SOX30: variants seen among roughly 807,000 people sequenced by gnomAD.
The protein encoded by SOX30 is SRY-box transcription factor 30.
In SOX30, 17 loss-of-function variants were observed where a neutral mutation model predicts 58.6. The observed-to-expected ratio is 0.29, with a 90% CI of 0.20 to 0.44. SOX30 has a LOEUF of 0.44. Ranked by LOEUF, SOX30 falls within the 20% of genes least tolerant of loss-of-function variation. The pLI is 1.00. For synonymous variants in SOX30, 421 were observed against 400.2 expected (o/e 1.05, Z -0.62); for missense variants, 951 against 965.8 (o/e 0.98, Z 0.20).
At chr5:157,648,635 A>C in intron 2 of SOX30, 22 bp downstream of exon 2, 1 of 1,602,674 alleles carries the variant, frequency 6.2e-7, no homozygotes, top group Non-Finnish European at 8.5e-7. Context: ...AAGAAGTAAG[A>C]GGCATTATTT....
Position 157,626,529 on chromosome 5 carries a change from C to T in SOX30, c.2073G>A (p.Met691Ile). Residue 691 changes from methionine to isoleucine, a missense_variant, in exon 5 of 5, where the codon ATG (methionine) becomes ATA (isoleucine). Met to Ile is a conservative substitution (Grantham distance 10). This residue lies in a region of SOX30 where 381 missense variants were observed against 390.0 expected (regional missense o/e 0.98). Transcript: ENST00000265007. ...GACTGTTATAGTAAGAAGTTCCATTCATGTTCTCACAACTCCGAGAATTTT... is the reference window on the plus strand; with the variant it reads ...GACTGTTATAGTAAGAAGTTCCATTTATGTTCTCACAACTCCGAGAATTTT... ...HSENSRSCEN[M>I]NGTSYYNSHS... The T allele has an allele frequency of 6.2e-7, 1 of 1,614,134 alleles. No individual in the cohort carries two copies. The highest frequency in any genetic ancestry group is 1.3e-5 in the African/African-American group (1 of 75,022).
Position 157,651,694 on chromosome 5 carries a change from G to A in SOX30, c.385C>T (p.Gln129Ter). 6.3e-7 allele frequency: 1 copy of A among 1,595,868 alleles called. No individual in the cohort carries two copies. The change falls in exon 1 of 5, where the codon CAG (glutamine) becomes TAG (stop). Residue 129 changes from glutamine (Q) to a stop codon, truncating the protein, a stop_gained. Coordinates refer to ENST00000265007, the MANE Select transcript of SOX30 (RefSeq NM_178424.2). LOFTEE classifies it high-confidence loss of function. ...ATSRPELHPVQPLALHVKAKK... is the reference protein window; with the variant it reads ...ATSRPELHPV ...GCCTTGACATGCAGCGCCAGGGGCTGCACCGGGTGCAACTCGGGCCTGGAG... is the reference window on the plus strand; with the variant it reads ...GCCTTGACATGCAGCGCCAGGGGCTACACCGGGTGCAACTCGGGCCTGGAG...
chr5:157,629,765 T>A (rs1758744671), intron 4 of SOX30, among the ~76,000 whole-genome samples: 1 of 152,164 alleles, frequency 6.6e-6, no homozygotes, highest in South Asian at 2.1e-4. Flanking sequence ...ATATCTCCAC[T>A]GTACAGATGA....
upstream of SOX30, among the ~76,000 whole-genome samples, chr5:157,654,208 G>T (rs1279705097): frequency 6.6e-6 from 1 of 150,392 alleles, no homozygotes; most frequent in Non-Finnish European, 1.5e-5. Flanking sequence ...AAAAGCTTTT[G>T]TTCATGTGGA....
intron 2 of SOX30, among the ~76,000 whole-genome samples, chr5:157,658,279 C>A (rs192012874): frequency 6.6e-6 from 1 of 152,198 alleles, no homozygotes; most frequent in Admixed American, 6.5e-5. Flanking sequence ...TCAGTCTTAC[C>A]GTGATTTGTC....
rs1315384172 is a variant in SOX30 at position 157,651,902 on chromosome 5, C to T, written c.177G>A (p.Val59=). 4 of 1,527,038 alleles carry T rather than the reference C, an allele frequency of 2.6e-6. No individual in the cohort carries two copies. The East Asian group carries it at 7.1e-5, about 27-fold the overall frequency. The allele number at this position is 1,527,038 out of a possible 1,614,324, so 94.6% of individuals were successfully genotyped here. Residue 59 remains valine (V), a synonymous_variant, in exon 1 of 5, where the codon GTG becomes GTA. Coordinates refer to ENST00000265007, the MANE Select transcript of SOX30 (RefSeq NM_178424.2). ...GCACCGCGGGCTGTAAGCCGGACGC[C>T]ACTGCCTCCCCGCACGACGAGGCCA... ...ATLASSCGEA[V]ASGLQPAVRR...
chr5:157,646,035 G>A (rs1396505134), intron 3 of SOX30, among the ~76,000 whole-genome samples: 2 of 145,914 alleles, frequency 1.4e-5, no homozygotes, highest in East Asian at 4.0e-4. Context: ...AAAAAAAACT[G>A]TTCTGGAAAA....
At position 157,626,218 on chromosome 5, in the gene SOX30, A is replaced by T; in HGVS notation, c.*122T>A. 1.2e-6 allele frequency: 1 copy of T among 855,504 alleles called. No individual in the cohort carries two copies. The highest frequency in any genetic ancestry group is 1.7e-6 in the Non-Finnish European group (1 of 587,450). The allele number at this position is 855,504 out of a possible 1,614,324, so 53.0% of individuals were successfully genotyped here. A position where few individuals can be genotyped will look rare whatever the true frequency, so the allele number is the denominator to read the frequency against. On this transcript the variant is annotated 3_prime_UTR_variant, in exon 5 of 5. Coordinates refer to ENST00000265007, the MANE Select transcript of SOX30 (RefSeq NM_178424.2). ...GAAGACATAAATTGCATTTGGTTTT[A>T]ACTCCTCAAATCACGACTGAAAACT...
In SOX30 at chr5:157,652,227, C is replaced by A; in HGVS notation, c.-149G>T. 7.8e-7 allele frequency: 1 copy of A among 1,281,838 alleles called. No individual in the cohort carries two copies. Among genetic ancestry groups the A allele is most frequent in the Non-Finnish European group, 9.8e-7 (1 of 1,019,608 alleles). 79.4% of individuals were successfully genotyped at this position (1,281,838 alleles called of 1,614,324 possible). ...CGCAGCTGTCTGTCTGGGCCTCACC[C>A]AATCACAACGACCGATACCCGTGGA... On this transcript the variant is annotated 5_prime_UTR_variant, in exon 1 of 5. Transcript: ENST00000265007.
upstream of SOX30, among the ~76,000 whole-genome samples, chr5:157,654,135 A>T (rs901118028): frequency 1.3e-5 from 2 of 151,734 alleles, no homozygotes; most frequent in Admixed American, 6.6e-5. Context: ...ACTGCACTCC[A>T]GCCTGGGCAA....
chr5:157,651,009 C>G (rs1759314796), intron 1 of SOX30, 103 bp downstream of exon 1: 1 of 866,882 alleles, frequency 1.2e-6, no homozygotes, highest in African/African-American at 1.7e-5. Context: ...ACAATCAGTT[C>G]CATTACTTTA....
chr5:157,661,934 A>G lies in SOX30; in HGVS notation c.52+5864T>C, dbSNP rs559885046. ...TTCCATTGGATTGGTATTATTAATTATTTAAATGTTAATAGAGTTCCCAAT... is the reference window on the plus strand; with the variant it reads ...TTCCATTGGATTGGTATTATTAATTGTTTAAATGTTAATAGAGTTCCCAAT... On this transcript the variant is annotated intron_variant, in intron 2 of 5. Coordinates refer to the SOX30 transcript ENST00000519442. Among the ~76,000 whole-genome samples, 4 of 152,256 alleles carry G rather than the reference A, an allele frequency of 2.6e-5. No homozygotes were observed. In the South Asian group the frequency reaches 8.3e-4, roughly 32 times the overall value.
chr5:157,636,610 C>T (rs962230555), intron 4 of SOX30, among the ~76,000 whole-genome samples: 1 of 152,208 alleles, frequency 6.6e-6, no homozygotes, highest in Non-Finnish European at 1.5e-5. Context: ...TCTGGTCCCA[C>T]TTTCTTCCAG....
intron 2 of SOX30, among the ~76,000 whole-genome samples, chr5:157,666,969 G>T (rs543214780): frequency 6.6e-6 from 1 of 152,096 alleles, no homozygotes; most frequent in African/African-American, 2.4e-5. Flanking sequence ...GCCTCCCAAA[G>T]TGCTGGGATT....
intron 4 of SOX30, among the ~76,000 whole-genome samples, chr5:157,633,806 A>G (rs1009692513): frequency 2.6e-5 from 4 of 152,222 alleles, no homozygotes; most frequent in African/African-American, 9.6e-5. Flanking sequence ...TGTATTTTCC[A>G]TATATTTCAA....
upstream of SOX30, among the ~76,000 whole-genome samples, chr5:157,656,356 A>G (rs1014334200): frequency 1.3e-5 from 2 of 152,234 alleles, no homozygotes; most frequent in African/African-American, 4.8e-5. Context: ...TAAAATGTAA[A>G]CATTTGGTCT....
intron 3 of SOX30, among the ~76,000 whole-genome samples, chr5:157,644,414 A>AT (rs1759141526): frequency 6.6e-6 from 1 of 152,250 alleles, no homozygotes; most frequent in African/African-American, 2.4e-5. Context: ...AGTGCTTCCT[A>AT]TAATTCTGCC....
At chr5:157,669,390 G>A (rs545321837) in intron 1 of SOX30, among the ~76,000 whole-genome samples, 1 of 152,168 alleles carries the variant, frequency 6.6e-6, no homozygotes, top group African/African-American at 2.4e-5. Flanking sequence ...TCACCATTTT[G>A]GCCAGGCTGG....
intron 1 of SOX30, among the ~76,000 whole-genome samples, chr5:157,669,204 A>G (rs983521108): frequency 2.0e-5 from 3 of 152,084 alleles, no homozygotes; most frequent in African/African-American, 7.2e-5. Flanking sequence ...AAAGTCATTT[A>G]ATTTTTTGAG....
Sources: allele counts gnomAD v4.1 joint callset (sites outside exome capture counted in the v4.1 genomes callset), GRCh38; gene constraint gnomAD v4.1.1; regional missense constraint gnomAD v4.1.1; transcripts MANE v1.5; gene names NCBI Gene and HGNC (gene_info 2026-07-23, HGNC 2026-07-21).